Variants in KCNH7 observed in about 807,000 individuals in gnomAD.
KCNH7 encodes potassium voltage-gated channel subfamily H member 7.
KCNH7 carries 49 observed loss-of-function variants against 120.8 expected under a neutral mutation model. The observed-to-expected ratio is 0.41, with a 90% CI of 0.32 to 0.51. The LOEUF is 0.51. KCNH7 is among the 20% of genes least tolerant of loss of function. The probability of loss-of-function intolerance (pLI) is 0.38; values close to 1 mark genes in which losing one functional copy is unlikely to be tolerated. For missense variants in KCNH7, 1,097 were observed against 1,446.6 expected, an observed-to-expected ratio of 0.76 and a Z score of 3.92; for synonymous variants, 547 against 516.1, an observed-to-expected ratio of 1.06 and a Z score of -0.81.
At chr2:162,527,874 T>C (rs1373726424) in intron 3 of KCNH7, 7 of 152,040 alleles carry the variant, frequency 4.6e-5, no homozygotes, top group Admixed American at 4.6e-4. Context: ...AAAATTTATT[T>C]TTATAGTTCT....
intron 2 of KCNH7, among the ~76,000 whole-genome samples, chr2:162,673,996 T>C (rs1402443242): frequency 6.6e-6 from 1 of 151,892 alleles, no homozygotes; most frequent in Non-Finnish European, 1.5e-5. Flanking sequence ...TCTTAAAGAT[T>C]GGAAACAAGA....
intron 2 of KCNH7, among the ~76,000 whole-genome samples, chr2:162,615,469 G>C (rs1683111798): frequency 6.6e-6 from 1 of 152,140 alleles, no homozygotes; most frequent in African/African-American, 2.4e-5. Context: ...GCTAAGATTT[G>C]CCTCAGGGGT....
At chr2:162,607,317 C>G (rs1233917280) in intron 2 of KCNH7, among the ~76,000 whole-genome samples, 1 of 150,922 alleles carries the variant, frequency 6.6e-6, no homozygotes, top group African/African-American at 2.4e-5. Context: ...TTGAACCCAG[C>G]AGGTGGAAGT....
intron 6 of KCNH7, among the ~76,000 whole-genome samples, chr2:162,466,610 G>C (rs145926425): frequency 6.6e-6 from 1 of 152,290 alleles, no homozygotes; most frequent in African/African-American, 2.4e-5. Context: ...GTGATTTGTT[G>C]TGTTTTCCAT....
intron 2 of KCNH7, among the ~76,000 whole-genome samples, chr2:162,604,701 T>C (rs1280438682): frequency 6.6e-6 from 1 of 152,140 alleles, no homozygotes; most frequent in African/African-American, 2.4e-5. Flanking sequence ...TTCCTCTTCC[T>C]CAGTGTTGTC....
At chr2:162,692,757 TA>T (rs1686158304) in intron 2 of KCNH7, among the ~76,000 whole-genome samples, 2 of 152,106 alleles carry the variant, frequency 1.3e-5, no homozygotes, top group African/African-American at 4.8e-5. Flanking sequence ...ATAAAACAAA[TA>T]TTAGTGTTCA....
intron 2 of KCNH7, among the ~76,000 whole-genome samples, chr2:162,654,406 T>C (rs1684672792): frequency 6.7e-6 from 1 of 149,586 alleles, no homozygotes; most frequent in Non-Finnish European, 1.5e-5. Flanking sequence ...ATGTCCAACA[T>C]CACTAATCAT....
rs2105437682 is a variant in KCNH7 at position 162,396,793 on chromosome 2, G to A, written c.2560C>T (p.His854Tyr). 1.2e-6 allele frequency: 2 copies of A among 1,611,728 alleles called. No individual in the cohort carries two copies. The highest frequency in any genetic ancestry group is 1.7e-4 in the Middle Eastern group (1 of 6,044). ...VLDMYPEFSD[H>Y]FLTNLELTFN... ...GTCAACTCTAGGTTTGTTAGAAAGT[G>A]ATCAGAAAACTCAGGATACATATCC... The change falls in exon 11 of 16, where the codon CAC (histidine) becomes TAC (tyrosine). Residue 854 changes from histidine (H) to tyrosine (Y), a missense_variant. Coordinates refer to ENST00000332142, the MANE Select transcript of KCNH7 (RefSeq NM_033272.4).
chr2:162,814,931 C>T (rs1371767936), intron 2 of KCNH7, among the ~76,000 whole-genome samples: 6 of 152,126 alleles, frequency 3.9e-5, no homozygotes, highest in Non-Finnish European at 7.3e-5. Context: ...TACTCACTCT[C>T]CACTCTAAGA....
chr2:162,482,432 G>T (rs1300514030), intron 6 of KCNH7, among the ~76,000 whole-genome samples: 2 of 151,482 alleles, frequency 1.3e-5, no homozygotes, highest in Non-Finnish European at 3.0e-5. Flanking sequence ...TGTCTTCTGT[G>T]GTGTGTGTGT....
At position 162,539,245 on chromosome 2, in the gene KCNH7, C is replaced by T. The variant is rs143272746; in HGVS notation, c.308-2165G>A. On this transcript the variant is annotated intron_variant, in intron 2 of 15. Transcript: ENST00000332142. ...TGGTTAAACAGAGTCTGAGGAGATG[C>T]TAGAAATAGTCATTATGTACTTTCC... is the stretch of plus-strand genomic sequence containing the variant. Among the ~76,000 whole-genome samples, 921 of 152,106 alleles carry T rather than the reference C, an allele frequency of 6.1e-3. 6 individuals carry two copies. The highest frequency in any genetic ancestry group is 9.7e-3 in the Non-Finnish European group (661 of 67,944).
At chr2:162,711,195 C>A (rs1686917285) in intron 2 of KCNH7, among the ~76,000 whole-genome samples, 1 of 152,220 alleles carries the variant, frequency 6.6e-6, no homozygotes, top group Non-Finnish European at 1.5e-5. Context: ...CTGTTTTATT[C>A]AGTGCATGCC....
chr2:162,502,386 T>C (rs1333590210), intron 6 of KCNH7: 1 of 152,090 alleles, frequency 6.6e-6, no homozygotes, highest in East Asian at 1.9e-4. Flanking sequence ...TACGTAGTAC[T>C]AGGATGGACA....
At chr2:162,823,841 C>T (rs4667759) in intron 2 of KCNH7, among the ~76,000 whole-genome samples, 90,708 of 151,260 alleles carry the variant, frequency 0.6, 28,158 homozygotes, top group South Asian at 0.84. Flanking sequence ...TAAATGCTGA[C>T]AGTCTAACTA....
At chr2:162,828,803 C>T (rs1685377827) in intron 2 of KCNH7, among the ~76,000 whole-genome samples, 1 of 152,024 alleles carries the variant, frequency 6.6e-6, no homozygotes, top group Non-Finnish European at 1.5e-5. Flanking sequence ...AGAAATGTAC[C>T]CACAGTCCTC....
intron 6 of KCNH7, among the ~76,000 whole-genome samples, chr2:162,461,515 A>C (rs997666420): frequency 1.3e-5 from 2 of 152,208 alleles, no homozygotes; most frequent in African/African-American, 4.8e-5. Flanking sequence ...AATTACAAAT[A>C]ACATTCAATG....
intron 6 of KCNH7, among the ~76,000 whole-genome samples, chr2:162,476,432 A>T (rs572638607): frequency 3.3e-5 from 5 of 152,194 alleles, no homozygotes; most frequent in Admixed American, 6.6e-5. Flanking sequence ...CTATCATTTA[A>T]CTTCTTATGA....
chr2:162,741,304 GTTATTAA>G (rs1688126878), intron 2 of KCNH7, among the ~76,000 whole-genome samples: 3 of 148,640 alleles, frequency 2.0e-5, no homozygotes, highest in Non-Finnish European at 4.5e-5. Context: ...AATAACATAT[GTTATTAA>G]TTACACATAT....
At chr2:162,382,222 A>G (rs1359764648) in intron 13 of KCNH7, among the ~76,000 whole-genome samples, 1 of 152,036 alleles carries the variant, frequency 6.6e-6, no homozygotes, top group Non-Finnish European at 1.5e-5. Flanking sequence ...GGGCTCAAGA[A>G]AAAATAATTA....
Sources: allele counts gnomAD v4.1 joint callset (sites outside exome capture counted in the v4.1 genomes callset), GRCh38; gene constraint gnomAD v4.1.1; transcripts MANE v1.5; gene names NCBI Gene and HGNC (gene_info 2026-07-23, HGNC 2026-07-21).